HINFP: variants seen among roughly 807,000 people sequenced by gnomAD.
HINFP encodes MBD2 (methyl-CpG-binding protein)-interacting zinc finger protein.
Under a neutral mutation model 50.1 loss-of-function variants are expected in HINFP, and 20 were observed. The ratio of observed to expected loss-of-function variants is 0.40; its 90% confidence interval spans 0.28 to 0.58. HINFP has a LOEUF of 0.58. Among genes scored for constraint, HINFP ranks in the 20% least tolerant of loss-of-function variants. The pLI, the probability that HINFP is intolerant of heterozygous loss-of-function variation, is 0.45. For synonymous variants in HINFP, 247 were observed against 243.7 expected, an observed-to-expected ratio of 1.01 and a Z score of -0.13; for missense variants, 505 against 664.1, an observed-to-expected ratio of 0.76 and a Z score of 2.63.
At position 119,126,999 on chromosome 11, in the gene HINFP, T is replaced by A. The variant is rs768729341; in HGVS notation, c.55T>A (p.Trp19Arg). 5 of 1,613,844 alleles carry A rather than the reference T, an allele frequency of 3.1e-6. No homozygotes were observed. Among genetic ancestry groups the A allele is most frequent in the African/African-American group, 1.3e-5 (1 of 74,866 alleles). Residue 19 changes from tryptophan to arginine, a missense_variant, in exon 2 of 10, where the codon TGG becomes AGG. Transcript: ENST00000350777. Reference protein sequence around the residue: ...RKENLWLQCEWGSCSFVCSTM... With the variant: ...RKENLWLQCERGSCSFVCSTM... ...GGAGAATCTGTGGCTACAGTGTGAGTGGGGGTCCTGCTCCTTTGTGTGCTC... is the reference window on the plus strand; with the variant it reads ...GGAGAATCTGTGGCTACAGTGTGAGAGGGGGTCCTGCTCCTTTGTGTGCTC...
At chr11:119,126,348 C>CA (rs1347764029) in intron 1 of HINFP, 2 of 89,204 alleles carry the variant, frequency 2.2e-5, no homozygotes, top group South Asian at 3.8e-4. Flanking sequence ...GAGCGAAACT[C>CA]AATCTCAAAA....
chr11:119,131,535 A>G lies in HINFP; in HGVS notation c.412A>G (p.Asn138Asp). Residue 138 changes from asparagine to aspartate, a missense_variant and splice_region_variant, in exon 4 of 10, where the codon AAT becomes GAT. Physicochemically the swap from Asn to Asp is conservative, Grantham distance 23. Coordinates refer to ENST00000350777, the MANE Select transcript of HINFP (RefSeq NM_198971.3). This position sits in a 1 kb window ranked among gnomAD's most constrained non-coding sequence, Gnocchi z 4.2. ...HFLCLWEHCENSFDNPEWFYR... is the reference protein window; with the variant it reads ...HFLCLWEHCEDSFDNPEWFYR... ...TCACCCCAAGTTGCCCCTGGCACAG[A>G]ATTCCTTCGACAATCCTGAGTGGTT... 6.2e-7 allele frequency: 1 copy of G among 1,612,592 alleles called. No homozygotes were observed. Among genetic ancestry groups the G allele is most frequent in the Non-Finnish European group, 8.5e-7 (1 of 1,178,574 alleles).
In HINFP at chr11:119,131,446, T is replaced by G; in HGVS notation, c.412-89T>G. On this transcript the variant is annotated intron_variant, in intron 3 of 9. Coordinates refer to ENST00000350777, the MANE Select transcript of HINFP (RefSeq NM_198971.3). This position sits in a 1 kb window ranked among gnomAD's most constrained non-coding sequence, Gnocchi z 4.2. ...AAATTTCCCATCCCCATCAAGTTAA[T>G]TTGGGAGAGAGCCAAGAATTCTTCG... The G allele has an allele frequency of 1.1e-6, 1 of 911,204 alleles. No homozygotes were observed. The highest frequency in any genetic ancestry group is 1.8e-6 in the Non-Finnish European group (1 of 542,782). 56.4% of individuals were successfully genotyped at this position (911,204 alleles called of 1,614,324 possible). A position where few individuals can be genotyped will look rare whatever the true frequency, so the allele number is the denominator to read the frequency against.
chr11:119,131,410 G>A lies in HINFP; in HGVS notation c.412-125G>A. 1.4e-6 allele frequency: 1 copy of A among 728,608 alleles called. No individual in the cohort carries two copies. The highest frequency in any genetic ancestry group is 2.6e-5 in the East Asian group (1 of 38,098). 45.1% of individuals were successfully genotyped at this position (728,608 alleles called of 1,614,324 possible). The stretch of plus-strand genomic sequence containing the variant: ...GGCCACTCCTCCATTTCTGTGCAGT[G>A]CCTTTCCTCAAAATTTCCCATCCCC... On this transcript the variant is annotated intron_variant, in intron 3 of 9. Coordinates refer to ENST00000350777, the MANE Select transcript of HINFP (RefSeq NM_198971.3). The surrounding 1 kb of genome is among the most constrained non-coding windows in gnomAD (Gnocchi z 4.2).
At position 119,131,801 on chromosome 11, in the gene HINFP, G is replaced by A; in HGVS notation, c.524-29G>A. 6.2e-7 allele frequency: 1 copy of A among 1,612,706 alleles called. No homozygotes were observed. Among genetic ancestry groups the A allele is most frequent in the Non-Finnish European group, 8.5e-7 (1 of 1,179,440 alleles). The stretch of plus-strand genomic sequence containing the variant: ...TCCTAGGCAAAACTGGGGTTTTGTG[G>A]CAGGAGACTGATAGGGCTTCCTTCC... On this transcript the variant is annotated intron_variant, in intron 4 of 9. Transcript: ENST00000350777. This position sits in a 1 kb window ranked among gnomAD's most constrained non-coding sequence, Gnocchi z 4.2.
Position 119,122,657 on chromosome 11 carries a change from A to T in HINFP, c.-11+1018A>T, listed in dbSNP as rs145495039. Among the ~76,000 whole-genome samples the T allele has an allele frequency of 3.2e-4, 48 of 152,266 alleles. 1 individual carries two copies. In the East Asian group the frequency reaches 9.1e-3, roughly 29 times the overall value. ...TCTGAGAATGAGAAGTGAATAAGTG[A>T]TGGCCACTGTCCTGAGAAACTCCTA... On this transcript the variant is annotated intron_variant, in intron 1 of 9. Coordinates refer to ENST00000350777, the MANE Select transcript of HINFP (RefSeq NM_198971.3).
At position 119,134,220 on chromosome 11, in the gene HINFP, G is replaced by A; in HGVS notation, c.1276G>A (p.Gly426Ser). The A allele has an allele frequency of 6.2e-7, 1 of 1,614,204 alleles. No homozygotes were observed. The highest frequency in any genetic ancestry group is 1.1e-5 in the South Asian group (1 of 91,080). ...GTCGCTGAACGAGAGCAGCCTGCAG[G>A]GCATTATTCTAGAAACAGTGCCAGG... is the stretch of plus-strand genomic sequence containing the variant. Reference protein sequence around the residue: ...GTSLNESSLQGIILETVPGEP... With the variant: ...GTSLNESSLQSIILETVPGEP... Residue 426 changes from glycine to serine, a missense_variant, in exon 10 of 10, where the codon GGC becomes AGC. By Grantham distance (56) the Gly-to-Ser change is moderately conservative (BLOSUM62 0). Coordinates refer to ENST00000350777, the MANE Select transcript of HINFP (RefSeq NM_198971.3). This position sits in a 1 kb window ranked among gnomAD's most constrained non-coding sequence, Gnocchi z 4.3.
chr11:119,124,370 G>T (rs548836503), intron 1 of HINFP: 6 of 152,114 alleles, frequency 3.9e-5, no homozygotes, highest in South Asian at 2.1e-4. Flanking sequence ...CCTGTCTCAG[G>T]TAGGCCAGAG....
chr11:119,126,129 G>A (rs1286596533), intron 1 of HINFP: 2 of 152,176 alleles, frequency 1.3e-5, no homozygotes, highest in African/African-American at 4.8e-5. Context: ...AAGGTGGGTG[G>A]ATCACCTGAG....
rs114318772 is a variant in HINFP, at chr11:119,134,347, A to G, written c.1403A>G (p.Asn468Ser). The stretch of plus-strand genomic sequence containing the variant: ...CCCAGTTCTGTCATCCACGTGGTGA[A>G]TCAGACCAATGCCCAAGGCCAGCAA... ...DNPSSVIHVV[N>S]QTNAQGQQEI... Residue 468 changes from asparagine to serine, a missense_variant, in exon 10 of 10, where the codon AAT (asparagine) becomes AGT (serine). Asn to Ser is a conservative substitution (Grantham distance 46, BLOSUM62 1). Coordinates refer to ENST00000350777, the MANE Select transcript of HINFP (RefSeq NM_198971.3). This position sits in a 1 kb window ranked among gnomAD's most constrained non-coding sequence, Gnocchi z 4.3. 1.0e-3 allele frequency: 1,676 copies of G among 1,614,178 alleles called. 21 individuals are homozygous for G. In the African/African-American group the frequency reaches 0.02, roughly 19 times the overall value.
chr11:119,134,040 C>T lies in HINFP; in HGVS notation c.1140-44C>T. 4.3e-6 allele frequency: 7 copies of T among 1,612,608 alleles called. No homozygotes were observed. The highest frequency in any genetic ancestry group is 5.9e-6 in the Non-Finnish European group (7 of 1,178,732). On this transcript the variant is annotated intron_variant, in intron 9 of 9. Transcript: ENST00000350777. This position sits in a 1 kb window ranked among gnomAD's most constrained non-coding sequence, Gnocchi z 4.3. ...TTGCCAGCCTCGGCCATTTCTGTAT[C>T]CCCCTGCCTGGGTTTGCTGCCCTTT...
Position 119,131,287 on chromosome 11 carries a change from G to A in HINFP, c.412-248G>A. On this transcript the variant is annotated intron_variant, in intron 3 of 9. Transcript: ENST00000350777. The surrounding 1 kb of genome is among the most constrained non-coding windows in gnomAD (Gnocchi z 4.2). Reference sequence around the variant, plus strand: ...AATTTTTTGTAGAGACAAGGTCTGGGTGTGTTGCCCAGGCCGGTCTCGAAC... The same window carrying A: ...AATTTTTTGTAGAGACAAGGTCTGGATGTGTTGCCCAGGCCGGTCTCGAAC... The A allele has an allele frequency of 1.7e-6, 1 of 572,428 alleles. No individual in the cohort carries two copies. 35.5% of individuals were successfully genotyped at this position (572,428 alleles called of 1,614,324 possible).
rs142924253 is a variant in HINFP at position 119,127,113 on chromosome 11, G to A, written c.169G>A (p.Asp57Asn). 124 of 1,611,360 alleles carry A rather than the reference G, an allele frequency of 7.7e-5. No homozygotes were observed. In the African/African-American group the frequency reaches 1.5e-3, roughly 19 times the overall value. Residue 57 changes from aspartate (D) to asparagine (N), a missense_variant, in exon 2 of 10, where the codon GAT becomes AAT. Coordinates refer to ENST00000350777, the MANE Select transcript of HINFP (RefSeq NM_198971.3). ...SGEEEEEEEE[D>N]DPLEEEFSCL... Reference sequence around the variant, plus strand: ...GGAGGAGGAGGAAGAGGAAGAGGAGGATGACCCACTTGGTAAGAGAGCAGG... The same window carrying A: ...GGAGGAGGAGGAAGAGGAAGAGGAGAATGACCCACTTGGTAAGAGAGCAGG...
chr11:119,126,948 C>T lies in HINFP; in HGVS notation c.4C>T (p.Pro2Ser). 1.2e-6 allele frequency: 2 copies of T among 1,611,844 alleles called. No homozygotes were observed. Among genetic ancestry groups the T allele is most frequent in the Non-Finnish European group, 1.7e-6 (2 of 1,178,894 alleles). ...CTCTTCCTCTAGGGTGAAGGCCATG[C>T]CGCCTCCTGGGAAAGTTCCCCGAAA... M[P>S]PPGKVPRKEN... The change falls in exon 2 of 10, where the codon CCG (proline) becomes TCG (serine). Residue 2 changes from proline to serine, a missense_variant. By Grantham distance (74) the Pro-to-Ser change is moderately conservative. Transcript: ENST00000350777.
Position 119,132,564 on chromosome 11 carries a change from C to G in HINFP, c.745C>G (p.Arg249Gly), listed in dbSNP as rs770419129. 7 of 1,614,140 alleles carry G rather than the reference C, an allele frequency of 4.3e-6. No individual in the cohort carries two copies. Among genetic ancestry groups the G allele is most frequent in the Non-Finnish European group, 5.1e-6 (6 of 1,180,042 alleles). The change falls in exon 6 of 10, where the codon CGC becomes GGC. Residue 249 changes from arginine to glycine, a missense_variant. Arg to Gly is a moderately radical substitution (Grantham distance 125). Transcript: ENST00000350777. ...ATERLLRDHM[R>G]NHVNHYKCPL... Reference sequence around the variant, plus strand: ...AGAGCGGCTATTGCGGGACCACATGCGCAACCATGGTGAGTGGCCTGCGGC... The same window carrying G: ...AGAGCGGCTATTGCGGGACCACATGGGCAACCATGGTGAGTGGCCTGCGGC...
intron 9 of HINFP, 50 bp downstream of exon 9, chr11:119,133,269 T>C: frequency 6.2e-7 from 1 of 1,603,104 alleles, no homozygotes; most frequent in Admixed American, 1.7e-5. Flanking sequence ...TTTTTATACC[T>C]TTTCAACCAG....
In HINFP at chr11:119,135,294, G is replaced by A. The variant is rs922961453; in HGVS notation, c.*796G>A. 1.3e-5 allele frequency: 2 copies of A among 152,488 alleles called. No homozygotes were observed. The highest frequency in any genetic ancestry group is 2.9e-5 in the Non-Finnish European group (2 of 68,156). 9.4% of individuals were successfully genotyped at this position (152,488 alleles called of 1,614,324 possible). On this transcript the variant is annotated 3_prime_UTR_variant, in exon 10 of 10. Transcript: ENST00000350777. Reference sequence around the variant, plus strand: ...TTGGCTGTGAGTGGGCAGTAGTGGTGCTATAGAATGAACAAGAATGGGCTC... The same window carrying A: ...TTGGCTGTGAGTGGGCAGTAGTGGTACTATAGAATGAACAAGAATGGGCTC...
In HINFP at chr11:119,131,975, A is replaced by G; in HGVS notation, c.669A>G (p.Ser223=). The stretch of plus-strand genomic sequence containing the variant: ...TAGATCACATCCGTCGCCAGACCTC[A>G]TTGGATCGTAAGTAGTCAGAGGAAG... The part of the protein sequence containing the change: ...KFLDHIRRQT[S]LDQQHFQCSH... The change falls in exon 5 of 10, where the codon TCA becomes TCG. Residue 223 remains serine (S), a synonymous_variant. Coordinates refer to ENST00000350777, the MANE Select transcript of HINFP (RefSeq NM_198971.3). This position sits in a 1 kb window ranked among gnomAD's most constrained non-coding sequence, Gnocchi z 4.2. The G allele has an allele frequency of 6.2e-7, 1 of 1,613,754 alleles. No individual in the cohort carries two copies. Among genetic ancestry groups the G allele is most frequent in the Non-Finnish European group, 8.5e-7 (1 of 1,179,780 alleles).
Position 119,133,205 on chromosome 11 carries a change from G to C in HINFP, c.1125G>C (p.Gly375=), listed in dbSNP as rs1230014146. The change falls in exon 9 of 10, where the codon GGG becomes GGC. Residue 375 remains glycine (G), a synonymous_variant. Transcript: ENST00000350777. ...AGCACCAGTTCAAGTGGCCCTCAGG[G>C]CATCCCCGTTTTCGGTATGTCTCTC... ...RKKHQFKWPS[G]HPRFRYKEHE... 1 of 1,613,980 alleles carries C rather than the reference G, an allele frequency of 6.2e-7. No individual in the cohort carries two copies. Among genetic ancestry groups the C allele is most frequent in the South Asian group, 1.1e-5 (1 of 91,088 alleles).
Sources: allele counts gnomAD v4.1 joint callset (sites outside exome capture counted in the v4.1 genomes callset), GRCh38; gene constraint gnomAD v4.1.1; non-coding constraint Gnocchi (gnomAD v3.1); transcripts MANE v1.5; gene names NCBI Gene and HGNC (gene_info 2026-07-23, HGNC 2026-07-21).